The following ZNF385D variants were observed in gnomAD, a reference collection of about 807,000 sequenced individuals.
The protein encoded by ZNF385D is zinc finger protein 659.
In ZNF385D, 15 loss-of-function variants were observed where a neutral mutation model predicts 35.8. The observed-to-expected ratio is 0.42, with a 90% CI of 0.28 to 0.64. The LOEUF (loss-of-function observed/expected upper bound fraction) is 0.64. Among genes scored for constraint, ZNF385D ranks in the 30% least tolerant of loss-of-function variants. The probability of loss-of-function intolerance (pLI) is 0.23; values close to 1 mark genes in which losing one functional copy is unlikely to be tolerated. For missense variants in ZNF385D, 474 were observed against 494.6 expected, an observed-to-expected ratio of 0.96 and a Z score of 0.39; for synonymous variants, 212 against 186.8, an observed-to-expected ratio of 1.13 and a Z score of -1.10.
chr3:21,861,693 G>A (rs1456378935), intron 3 of ZNF385D, among the ~76,000 whole-genome samples: 1 of 152,068 alleles, frequency 6.6e-6, no homozygotes, highest in Non-Finnish European at 1.5e-5. Context: ...TAAATACTGT[G>A]GTTGTCTCCC....
chr3:22,259,338 A>G (rs931619230), intron 2 of ZNF385D, among the ~76,000 whole-genome samples: 1 of 151,968 alleles, frequency 6.6e-6, no homozygotes, highest in Admixed American at 6.6e-5. Flanking sequence ...GCATGAAAAC[A>G]TGAATTTTAT....
At chr3:22,346,906 C>T (rs1053381538) in intron 2 of ZNF385D, among the ~76,000 whole-genome samples, 1 of 152,156 alleles carries the variant, frequency 6.6e-6, no homozygotes, top group Non-Finnish European at 1.5e-5. Flanking sequence ...ATTTTTCATT[C>T]TGTTCCGGTT....
intron 1 of ZNF385D, among the ~76,000 whole-genome samples, chr3:21,669,109 G>C (rs2066487752): frequency 6.6e-6 from 1 of 152,118 alleles, no homozygotes; most frequent in Admixed American, 6.5e-5. Flanking sequence ...TCTATGTCTA[G>C]TACCACATAT....
intron 1 of ZNF385D, among the ~76,000 whole-genome samples, chr3:21,673,388 C>T (rs944344512): frequency 6.6e-6 from 1 of 152,146 alleles, no homozygotes; most frequent in African/African-American, 2.4e-5. Context: ...TTGGACATTA[C>T]AGCTCCAGTG....
intron 3 of ZNF385D, among the ~76,000 whole-genome samples, chr3:21,957,982 G>C (rs1258350258): frequency 6.6e-6 from 1 of 152,054 alleles, no homozygotes; most frequent in African/African-American, 2.4e-5. Context: ...ATTCACATCA[G>C]CACCCTGCTT....
chr3:22,313,284 G>A (rs1360558594), intron 2 of ZNF385D, among the ~76,000 whole-genome samples: 1 of 151,048 alleles, frequency 6.6e-6, no homozygotes, highest in African/African-American at 2.4e-5. Context: ...AGCATTAGGA[G>A]ATATACCTAA....
intron 4 of ZNF385D, among the ~76,000 whole-genome samples, chr3:21,477,438 T>C (rs1434250065): frequency 1.3e-5 from 2 of 151,830 alleles, no homozygotes; most frequent in Non-Finnish European, 1.5e-5. Flanking sequence ...AAAATAATAG[T>C]AATAAACATC....
At chr3:21,655,716 G>T (rs2066052461) in intron 2 of ZNF385D, among the ~76,000 whole-genome samples, 1 of 151,928 alleles carries the variant, frequency 6.6e-6, no homozygotes, top group African/African-American at 2.4e-5. Flanking sequence ...ACAACCATTT[G>T]CAGACAAGAG....
At chr3:21,752,007 A>ACCCCCCC (rs71044940), upstream of ZNF385D, among the ~76,000 whole-genome samples, 9 of 88,576 alleles carry the variant, frequency 1.0e-4, no homozygotes, top group African/African-American at 1.5e-4. Flanking sequence ...ACACACACCC[A>ACCCCCCC]CCCCCCTCCC....
At chr3:22,287,128 G>T (rs1342338779) in intron 2 of ZNF385D, among the ~76,000 whole-genome samples, 1 of 151,822 alleles carries the variant, frequency 6.6e-6, no homozygotes, top group Admixed American at 6.6e-5. Context: ...TTATATAATG[G>T]CCTTCTTTTT....
intron 1 of ZNF385D, among the ~76,000 whole-genome samples, chr3:21,727,876 G>C (rs1167024761): frequency 1.3e-5 from 2 of 152,156 alleles, no homozygotes; most frequent in Non-Finnish European, 2.9e-5. Context: ...TATGTTTACT[G>C]TGGCACTATT....
chr3:21,818,124 A>G (rs1039288543), intron 3 of ZNF385D, among the ~76,000 whole-genome samples: 1 of 151,850 alleles, frequency 6.6e-6, no homozygotes, highest in African/African-American at 2.4e-5. Flanking sequence ...TGGGAATTCA[A>G]CAATGAGAAT....
chr3:22,239,253 G>A lies in ZNF385D; in HGVS notation c.107-70218C>T, dbSNP rs999215668. Among the ~76,000 whole-genome samples, 37 of 151,004 alleles carry A rather than the reference G, an allele frequency of 2.5e-4. 2 individuals carry two copies. Among genetic ancestry groups the A allele is most frequent in the Middle Eastern group, 3.2e-3 (1 of 316 alleles). ...TTAAGTAAAATGAAATTGGAACATA[G>A]CCACAATCATTCATTCAGGTATTGT... On this transcript the variant is annotated intron_variant, in intron 2 of 5. Transcript: ENST00000494108.
chr3:21,829,258 G>A lies in ZNF385D; in HGVS notation c.326-164230C>T, dbSNP rs547360994. 2.8e-4 allele frequency among the ~76,000 whole-genome samples: 42 copies of A among 152,276 alleles called. No homozygotes were observed. In the South Asian group the frequency reaches 7.9e-3, roughly 29 times the overall value. On this transcript the variant is annotated intron_variant, in intron 3 of 5. Coordinates refer to the ZNF385D transcript ENST00000494108. ...CAAAGGAGAGTGAGTAATTGGGTAT[G>A]GGAAGGAGTGGCTATTTCATTAGAG...
intron 3 of ZNF385D, among the ~76,000 whole-genome samples, chr3:21,903,787 A>G (rs1367321161): frequency 6.6e-6 from 1 of 152,164 alleles, no homozygotes; most frequent in Non-Finnish European, 1.5e-5. Context: ...TAAATATGGC[A>G]TTCAAGACTT....
chr3:21,944,516 G>A (rs568031817), intron 3 of ZNF385D, among the ~76,000 whole-genome samples: 7 of 152,290 alleles, frequency 4.6e-5, no homozygotes, highest in Non-Finnish European at 5.9e-5. Context: ...CTGGTGGTTC[G>A]CAAGGAAAGG....
At chr3:21,620,524 G>T (rs2064973958) in intron 2 of ZNF385D, among the ~76,000 whole-genome samples, 1 of 152,046 alleles carries the variant, frequency 6.6e-6, no homozygotes, top group Non-Finnish European at 1.5e-5. Flanking sequence ...ATGCAGACTG[G>T]GATTCATACT....
chr3:21,490,547 T>A (rs1407724525), intron 4 of ZNF385D, among the ~76,000 whole-genome samples: 1 of 152,082 alleles, frequency 6.6e-6, no homozygotes, highest in African/African-American at 2.4e-5. Flanking sequence ...GTAAAAGTCA[T>A]AAAAGGAAAT....
chr3:21,777,961 C>G (rs560050234), intron 3 of ZNF385D, among the ~76,000 whole-genome samples: 6 of 151,912 alleles, frequency 3.9e-5, no homozygotes, highest in Middle Eastern at 3.4e-3. Context: ...CCAGCTGAGC[C>G]AAGCCTTGAT....
Sources: gnomAD v4.1 joint callset for allele counts (sites outside exome capture counted in the v4.1 genomes callset) on GRCh38, gnomAD v4.1.1 for gene constraint, MANE v1.5 for transcripts, NCBI Gene and HGNC (gene_info 2026-07-23, HGNC 2026-07-21) for gene names.